Variants in MARCO observed in about 807,000 individuals in gnomAD.
MARCO encodes macrophage receptor MARCO.
MARCO carries 72 observed loss-of-function variants against 70.0 expected under a neutral mutation model. The observed-to-expected ratio is 1.03, with a 90% CI of 0.85 to 1.25. The LOEUF (loss-of-function observed/expected upper bound fraction) is 1.25, where lower values mean the gene tolerates loss of function less well. Among genes scored for constraint, MARCO ranks in the 50% most tolerant of loss-of-function variants. MARCO has a pLI of 0.00. For synonymous variants in MARCO, 273 were observed against 243.1 expected, an observed-to-expected ratio of 1.12 and a Z score of -1.14; for missense variants, 696 against 659.3, an observed-to-expected ratio of 1.06 and a Z score of -0.61.
At chr2:118,971,212 T>C (rs1680161551) in intron 3 of MARCO, among the ~76,000 whole-genome samples, 1 of 152,148 alleles carries the variant, frequency 6.6e-6, no homozygotes, top group Non-Finnish European at 1.5e-5. Flanking sequence ...TTCTACCTCC[T>C]CAGGCTGGTT....
At chr2:118,974,586 T>C (rs1030384987) in intron 6 of MARCO, 21 bp downstream of exon 6, 7 of 1,607,752 alleles carry the variant, frequency 4.4e-6, no homozygotes, top group African/African-American at 1.3e-5. Context: ...GCTGGGTATG[T>C]ACCCAGAAAT....
At chr2:118,982,499 G>A in intron 12 of MARCO, 89 bp downstream of exon 12, 2 of 1,228,358 alleles carry the variant, frequency 1.6e-6, no homozygotes, top group Middle Eastern at 1.9e-4. Flanking sequence ...GGCCCACGGA[G>A]GAGGCAGAGG....
intron 12 of MARCO, 50 bp downstream of exon 12, chr2:118,982,460 T>A: frequency 6.4e-7 from 1 of 1,554,416 alleles, no homozygotes; most frequent in South Asian, 1.1e-5. Context: ...GGTGGCAGGA[T>A]GGATGGAGAG....
At chr2:118,971,674 G>A (rs896813825) in intron 4 of MARCO, 140 bp downstream of exon 4, 53 of 800,532 alleles carry the variant, frequency 6.6e-5, no homozygotes, top group Non-Finnish European at 9.3e-5. Flanking sequence ...TTTGTCTTCA[G>A]TTGGGTCTCC....
chr2:118,993,048 G>A, intron 15 of MARCO, 76 bp from the exon 16 acceptor site: 1 of 1,283,608 alleles, frequency 7.8e-7, no homozygotes, highest in Non-Finnish European at 1.1e-6. Context: ...ACTCCAAAAT[G>A]AAAAGAAAGA....
chr2:118,977,819 TC>T lies in MARCO; in HGVS notation c.659-8del, dbSNP rs1390546443. ...TGGGAGCCCATCTCACCAGCCATTC[TC>T]TTTGCAGGCACCCCAGGACCCCAAG... On this transcript the variant is annotated splice_region_variant and splice_polypyrimidine_tract_variant and intron_variant, in intron 7 of 16. Transcript: ENST00000327097. The T allele has an allele frequency of 1.2e-6, 2 of 1,607,096 alleles. No individual in the cohort carries two copies. Among genetic ancestry groups the T allele is most frequent in the Non-Finnish European group, 1.7e-6 (2 of 1,176,028 alleles).
At chr2:118,946,956 T>C (rs1226410060) in intron 1 of MARCO, among the ~76,000 whole-genome samples, 1 of 152,238 alleles carries the variant, frequency 6.6e-6, no homozygotes, top group African/African-American at 2.4e-5. Context: ...ACCATATGTA[T>C]AGCCTCTTCA....
rs541273837 is a variant in MARCO at position 118,987,480 on chromosome 2, C to T, written c.1064-3109C>T. Among the ~76,000 whole-genome samples the T allele has an allele frequency of 9.9e-5, 15 of 152,278 alleles. No homozygotes were observed. In the South Asian group the frequency reaches 2.9e-3, roughly 29 times the overall value. ...AAACCTCAATTCTAATTTCCAATAC[C>T]CATTAAATACATATCAGAAGGCATT... On this transcript the variant is annotated intron_variant, in intron 12 of 16. Transcript: ENST00000327097.
rs150783584 is a variant in MARCO at position 118,949,238 on chromosome 2, T to G, written c.97+6841T>G. On this transcript the variant is annotated intron_variant, in intron 1 of 16. Coordinates refer to ENST00000327097, the MANE Select transcript of MARCO (RefSeq NM_006770.4). ...CCATGTCCCCTTGATTTGAGGACCA[T>G]GCTAGTGGAAAGGCAACAACGTGGG... 2.3e-3 allele frequency: 346 copies of G among 152,344 alleles called. 3 individuals carry two copies. Among genetic ancestry groups the G allele is most frequent in the African/African-American group, 8.1e-3 (335 of 41,572 alleles). 9.4% of individuals were successfully genotyped at this position (152,344 alleles called of 1,614,324 possible).
chr2:118,990,666 G>C, intron 13 of MARCO, 33 bp downstream of exon 13: 1 of 1,601,300 alleles, frequency 6.2e-7, no homozygotes, highest in Non-Finnish European at 8.5e-7. Context: ...ATCCCTCGGA[G>C]TGATGACGGG....
At chr2:118,960,134 A>AATAATT (rs1314955072) in intron 1 of MARCO, among the ~76,000 whole-genome samples, 1 of 151,438 alleles carries the variant, frequency 6.6e-6, no homozygotes, top group African/African-American at 2.4e-5. Context: ...TAATAATAAT[A>AATAATT]ATAAATAAAA....
At chr2:118,992,788 T>C (rs1680646872) in intron 15 of MARCO, among the ~76,000 whole-genome samples, 1 of 149,120 alleles carries the variant, frequency 6.7e-6, no homozygotes, top group South Asian at 2.2e-4. Context: ...TTCCTTTCCC[T>C]CTCTCTCTCC....
intron 4 of MARCO, among the ~76,000 whole-genome samples, chr2:118,972,690 A>G (rs1680195793): frequency 6.6e-6 from 1 of 152,212 alleles, no homozygotes; most frequent in Admixed American, 6.5e-5. Context: ...CTATTGTTAT[A>G]TATGGTTGTT....
At chr2:118,981,905 C>A (rs1027042795) in intron 10 of MARCO, among the ~76,000 whole-genome samples, 1 of 152,128 alleles carries the variant, frequency 6.6e-6, no homozygotes, top group African/African-American at 2.4e-5. Context: ...GACAGTCACA[C>A]CCAGAGCTCC....
At chr2:118,982,526 C>T (rs778483239) in intron 12 of MARCO, 116 bp downstream of exon 12, 3 of 998,312 alleles carry the variant, frequency 3.0e-6, no homozygotes, top group Non-Finnish European at 3.1e-6. Flanking sequence ...TGTGCCTTGG[C>T]CTCTGAGGTT....
chr2:118,975,857 C>T (rs1245644735), intron 6 of MARCO, among the ~76,000 whole-genome samples: 1 of 152,298 alleles, frequency 6.6e-6, no homozygotes, highest in South Asian at 2.1e-4. Flanking sequence ...TGCACAAGTA[C>T]AATCACACTT....
At chr2:118,981,088 G>A (rs1474108288) in intron 8 of MARCO, among the ~76,000 whole-genome samples, 1 of 152,058 alleles carries the variant, frequency 6.6e-6, no homozygotes, top group Non-Finnish European at 1.5e-5. Context: ...TCAAATAATT[G>A]CCAAAATGCA....
intron 4 of MARCO, among the ~76,000 whole-genome samples, chr2:118,972,337 G>T (rs561097328): frequency 1.3e-5 from 2 of 152,112 alleles, no homozygotes; most frequent in Non-Finnish European, 2.9e-5. Context: ...GCCATTTTTG[G>T]GACAGAATCC....
At chr2:118,947,197 A>G (rs753085697) in intron 1 of MARCO, among the ~76,000 whole-genome samples, 6 of 152,174 alleles carry the variant, frequency 3.9e-5, no homozygotes, top group Non-Finnish European at 7.4e-5. Context: ...TTTTCCATGT[A>G]TGTATTATGC....
Sources: allele counts gnomAD v4.1 joint callset (sites outside exome capture counted in the v4.1 genomes callset), GRCh38; gene constraint gnomAD v4.1.1; transcripts MANE v1.5; gene names NCBI Gene and HGNC (gene_info 2026-07-23, HGNC 2026-07-21).